NTRK3: variants seen among roughly 807,000 people sequenced by gnomAD.
NTRK3 encodes the protein NT-3 growth factor receptor.
Under a neutral mutation model 91.7 loss-of-function variants are expected in NTRK3, and 24 were observed. The ratio of observed to expected loss-of-function variants is 0.26; its 90% CI spans 0.19 to 0.37. The LOEUF is 0.37. NTRK3 is among the 10% of genes least tolerant of loss of function. The pLI, the probability that NTRK3 is intolerant of heterozygous loss-of-function variation, is 1.00. For missense variants in NTRK3, 880 were observed against 1,068.9 expected (o/e 0.82, Z 2.46); for synonymous variants, 483 against 404.0 (o/e 1.20, Z -2.34).
chr15:88,094,902 G>A (rs1426520830), intron 13 of NTRK3, among the ~76,000 whole-genome samples: 2 of 152,232 alleles, frequency 1.3e-5, no homozygotes, highest in African/African-American at 2.4e-5. Flanking sequence ...GTAACAGACT[G>A]AATCTGATTG....
At chr15:88,125,711 G>A (rs1416889933) in intron 13 of NTRK3, among the ~76,000 whole-genome samples, 1 of 152,200 alleles carries the variant, frequency 6.6e-6, no homozygotes, top group Non-Finnish European at 1.5e-5. Flanking sequence ...CCACAGTGGA[G>A]TGGAGCACTG....
exon 19 of NTRK3, chr15:87,868,662 C>A: frequency 4.5e-6 from 1 of 220,014 alleles, no homozygotes; most frequent in Non-Finnish European, 9.1e-6. Flanking sequence ...TAATCAATGG[C>A]CCTATTTTGC....
At chr15:88,058,061 C>G (rs929131900) in intron 13 of NTRK3, among the ~76,000 whole-genome samples, 4 of 152,228 alleles carry the variant, frequency 2.6e-5, no homozygotes, top group Non-Finnish European at 5.9e-5. Context: ...GGTGAGATCT[C>G]ACTGGCTCTG....
At chr15:88,060,333 A>C (rs1254070557) in intron 13 of NTRK3, among the ~76,000 whole-genome samples, 1 of 151,122 alleles carries the variant, frequency 6.6e-6, no homozygotes, top group Non-Finnish European at 1.5e-5. Flanking sequence ...GCAGTGATCC[A>C]AGATTGCACT....
At chr15:88,205,068 G>C (rs770425996) in intron 3 of NTRK3, among the ~76,000 whole-genome samples, 24 of 152,188 alleles carry the variant, frequency 1.6e-4, no homozygotes, top group Admixed American at 7.9e-4. Flanking sequence ...GGAGTGCTGA[G>C]AAATTGGAGA....
chr15:87,936,535 T>TA (rs1000350715), intron 15 of NTRK3, among the ~76,000 whole-genome samples: 1 of 141,978 alleles, frequency 7.0e-6, no homozygotes, highest in Non-Finnish European at 1.5e-5. Flanking sequence ...CCCTCCATCT[T>TA]ACTTTCTTTT....
At chr15:87,945,834 T>C (rs1436505608) in intron 14 of NTRK3, among the ~76,000 whole-genome samples, 2 of 144,216 alleles carry the variant, frequency 1.4e-5, no homozygotes, top group African/African-American at 5.0e-5. Context: ...AAAAAACAGA[T>C]CTCTATTGAA....
chr15:87,962,193 TATC>T, intron 14 of NTRK3, among the ~76,000 whole-genome samples: 2 of 152,338 alleles, frequency 1.3e-5, no homozygotes, highest in African/African-American at 2.4e-5. Flanking sequence ...TGATCCCTAA[TATC>T]ATCACTTTAT....
chr15:87,880,252 T>C lies in NTRK3; in HGVS notation c.2292+18A>G, dbSNP rs539454865. 9 of 1,614,040 alleles carry C rather than the reference T, an allele frequency of 5.6e-6. No individual in the cohort carries two copies. Among genetic ancestry groups the C allele is most frequent in the African/African-American group, 1.3e-5 (1 of 75,036 alleles). ...TGAGCCCTCCCCCAATCAAGATTCC[T>C]ACGCACCCCCTTTTTACCTCCGTGT... is the stretch of plus-strand genomic sequence containing the variant. On this transcript the variant is annotated intron_variant, in intron 18 of 18. Transcript: ENST00000394480.
intron 17 of NTRK3, among the ~76,000 whole-genome samples, chr15:87,901,817 G>C (rs1293320153): frequency 4.0e-5 from 6 of 151,846 alleles, no homozygotes; most frequent in African/African-American, 1.5e-4. Context: ...AGAGGAAGAG[G>C]TTAAGCATCT....
At chr15:88,101,243 G>A (rs962999169) in intron 13 of NTRK3, among the ~76,000 whole-genome samples, 2 of 152,354 alleles carry the variant, frequency 1.3e-5, no homozygotes, top group African/African-American at 4.8e-5. Flanking sequence ...AGACATTTAT[G>A]CAACCAAAAG....
At chr15:87,868,743 T>C (rs531480551) in exon 19 of NTRK3, 8 of 222,044 alleles carry the variant, frequency 3.6e-5, no homozygotes, top group East Asian at 6.5e-5. Flanking sequence ...ATAGAGTGAG[T>C]CTGGCTCATT....
chr15:87,946,957 CT>C (rs1350582301), intron 14 of NTRK3, among the ~76,000 whole-genome samples: 2 of 144,518 alleles, frequency 1.4e-5, no homozygotes, highest in Non-Finnish European at 3.0e-5. Flanking sequence ...TCTGGGCTCA[CT>C]GCAACCTCCG....
rs185356325 is a variant in NTRK3, at chr15:88,100,809, C to T, written c.1396+25462G>A. ...AAATGGTGCTGGGAAAACTGGCTAGCCATATGTAGAAAGCTGAAACTGGAT... is the reference window on the plus strand; with the variant it reads ...AAATGGTGCTGGGAAAACTGGCTAGTCATATGTAGAAAGCTGAAACTGGAT... On this transcript the variant is annotated intron_variant, in intron 13 of 18. Coordinates refer to ENST00000394480, the Ensembl canonical transcript of NTRK3. Among the ~76,000 whole-genome samples, 717 of 152,196 alleles carry T rather than the reference C, an allele frequency of 4.7e-3. 10 individuals are homozygous for T. The highest frequency in any genetic ancestry group is 0.037 in the Middle Eastern group (11 of 294).
chr15:88,058,660 G>A (rs1327514993), intron 13 of NTRK3, among the ~76,000 whole-genome samples: 1 of 152,132 alleles, frequency 6.6e-6, no homozygotes, highest in African/African-American at 2.4e-5. Context: ...CCAGCAGAAG[G>A]ACTCTTGAAT....
At chr15:88,208,805 A>C (rs2049002081) in intron 3 of NTRK3, among the ~76,000 whole-genome samples, 1 of 152,196 alleles carries the variant, frequency 6.6e-6, no homozygotes, top group South Asian at 2.1e-4. Context: ...TGAAAATGCC[A>C]ATGCCTGGAG....
chr15:87,891,437 A>G (rs2065853567), intron 17 of NTRK3, among the ~76,000 whole-genome samples: 1 of 152,198 alleles, frequency 6.6e-6, no homozygotes, highest in African/African-American at 2.4e-5. Flanking sequence ...TTTCAAAGTC[A>G]AAACCACAAA....
intron 15 of NTRK3, among the ~76,000 whole-genome samples, chr15:87,937,964 A>G (rs2069458023): frequency 6.6e-6 from 1 of 151,616 alleles, no homozygotes; most frequent in African/African-American, 2.4e-5. Context: ...GAAATGACAG[A>G]GACGAAAAAA....
intron 3 of NTRK3, among the ~76,000 whole-genome samples, chr15:88,216,519 C>G (rs1029993280): frequency 9.8e-5 from 15 of 152,290 alleles, no homozygotes; most frequent in Middle Eastern, 3.4e-3. Flanking sequence ...GGCGATTCTG[C>G]ACGACCCCAA....
Sources: gnomAD v4.1 joint callset for allele counts (sites outside exome capture counted in the v4.1 genomes callset) on GRCh38, gnomAD v4.1.1 for gene constraint, MANE v1.5 for transcripts, NCBI Gene and HGNC (gene_info 2026-07-23, HGNC 2026-07-21) for gene names.